The following NIN variants were observed in gnomAD, a reference collection of about 807,000 sequenced individuals.
NIN encodes ninein, also known as glycogen synthase kinase 3 beta-interacting protein.
A neutral mutation model predicts 257.6 loss-of-function variants in NIN; 137 were observed. That is an observed-to-expected ratio of 0.53 (90% CI 0.46 to 0.61). The LOEUF (loss-of-function observed/expected upper bound fraction) is 0.61. Ranked by LOEUF, NIN falls within the 20% of genes least tolerant of loss-of-function variation. The pLI is 0.00. For synonymous variants in NIN, 918 were observed against 919.8 expected (o/e 1.00, Z 0.04); for missense variants, 2,439 against 2,501.2 (o/e 0.98, Z 0.53).
intron 12 of NIN, among the ~76,000 whole-genome samples, chr14:50,767,621 T>C (rs1016667157): frequency 2.6e-5 from 4 of 152,032 alleles, no homozygotes; most frequent in Admixed American, 6.5e-5. Context: ...ATCGAGACCA[T>C]CCTGGCGAAC....
In NIN at chr14:50,761,846, T is replaced by C. The variant is rs751749868; in HGVS notation, c.1840A>G (p.Met614Val). ...ATGTCCCTGTGATGTTGTTCTTTCATCTGTTCAATGACCAGCTCTGCCTCA... is the reference window on the plus strand; with the variant it reads ...ATGTCCCTGTGATGTTGTTCTTTCACCTGTTCAATGACCAGCTCTGCCTCA... ...SIEAELVIEQ[M>V]KEQHHRDICC... is the part of the protein sequence containing the mutation. The change falls in exon 16 of 31, where the codon ATG (methionine) becomes GTG (valine). Residue 614 changes from methionine to valine, a missense_variant. Coordinates refer to ENST00000530997, the MANE Select transcript of NIN (RefSeq NM_020921.4). 5 of 1,614,198 alleles carry C rather than the reference T, an allele frequency of 3.1e-6. No homozygotes were observed. The highest frequency in any genetic ancestry group is 4.2e-6 in the Non-Finnish European group (5 of 1,180,012).
chr14:50,756,162 A>AT (rs1308684185), intron 18 of NIN, among the ~76,000 whole-genome samples: 1 of 151,746 alleles, frequency 6.6e-6, no homozygotes, highest in East Asian at 1.9e-4. Context: ...CAAAATAAAA[A>AT]AAAAAAATCC....
rs2041938659 is a variant in NIN at position 50,754,547 on chromosome 14, T to C, written c.4734+16A>G. 6.3e-7 allele frequency: 1 copy of C among 1,577,558 alleles called. No homozygotes were observed. Among genetic ancestry groups the C allele is most frequent in the Non-Finnish European group, 8.6e-7 (1 of 1,161,564 alleles). On this transcript the variant is annotated intron_variant, in intron 20 of 30. Transcript: ENST00000530997. The stretch of plus-strand genomic sequence containing the variant: ...TGGAATCAAAAAACATTGAGAAATA[T>C]TAAGTATTTCCTTACCTGTTTCTTT...
intron 4 of NIN, among the ~76,000 whole-genome samples, chr14:50,805,626 C>T (rs1426166522): frequency 6.6e-6 from 1 of 152,192 alleles, no homozygotes; most frequent in Non-Finnish European, 1.5e-5. Flanking sequence ...CTGTGCCTCA[C>T]CTAAATAGGT....
intron 29 of NIN, chr14:50,727,574 G>A: frequency 1.5e-6 from 2 of 1,349,116 alleles, no homozygotes; most frequent in Non-Finnish European, 9.8e-7. Context: ...TAATTTAAAA[G>A]AGCACTTAAT....
chr14:50,742,962 A>G (rs1008106757), intron 24 of NIN, among the ~76,000 whole-genome samples: 4 of 151,878 alleles, frequency 2.6e-5, no homozygotes, highest in African/African-American at 4.8e-5. Context: ...TTGTCATACT[A>G]TATTTACTTT....
intron 5 of NIN, chr14:50,792,464 A>C: frequency 2.1e-6 from 1 of 475,644 alleles, no homozygotes; most frequent in Non-Finnish European, 3.8e-6. Flanking sequence ...AAATACCTGA[A>C]CTCTAAATGT....
chr14:50,813,059 C>T (rs375462059), intron 3 of NIN, among the ~76,000 whole-genome samples: 8 of 152,110 alleles, frequency 5.3e-5, no homozygotes, highest in South Asian at 4.1e-4. Flanking sequence ...AGGAGGCGAC[C>T]GCTATTTTCC....
intron 12 of NIN, among the ~76,000 whole-genome samples, chr14:50,769,000 T>G (rs2042616212): frequency 6.6e-6 from 1 of 152,178 alleles, no homozygotes; most frequent in African/African-American, 2.4e-5. Context: ...TTACACCTCA[T>G]GGTGTTGATG....
intron 7 of NIN, 68 bp from the exon 8 acceptor site, chr14:50,773,163 G>T: frequency 1.6e-6 from 2 of 1,287,852 alleles, no homozygotes; most frequent in South Asian, 2.6e-5. Flanking sequence ...TATACTTCCG[G>T]CCAGTAGTAA....
chr14:50,744,181 A>G, intron 23 of NIN, 62 bp downstream of exon 23: 2 of 1,569,452 alleles, frequency 1.3e-6, no homozygotes, highest in Non-Finnish European at 1.7e-6. Context: ...CTGTCCACAG[A>G]GAAAGGTTCA....
In NIN at chr14:50,762,779, T is replaced by C. The variant is rs113269751; in HGVS notation, c.1775-868A>G. On this transcript the variant is annotated intron_variant, in intron 15 of 30. Coordinates refer to ENST00000530997, the MANE Select transcript of NIN (RefSeq NM_020921.4). ...TTGCATGTGGGGATACACAGGCAGA[T>C]GGAAGAAAGGAACTTTTCTTGGGTA... is the stretch of plus-strand genomic sequence containing the variant. Among the ~76,000 whole-genome samples the C allele has an allele frequency of 7.2e-5, 11 of 152,292 alleles. 1 individual carries two copies. Among genetic ancestry groups the C allele is most frequent in the Admixed American group, 3.3e-4 (5 of 15,298 alleles).
At chr14:50,827,444 C>T (rs529185735) in intron 2 of NIN, among the ~76,000 whole-genome samples, 1 of 152,196 alleles carries the variant, frequency 6.6e-6, no homozygotes, top group African/African-American at 2.4e-5. Flanking sequence ...AAGAAAGTCA[C>T]ATTAAATACA....
chr14:50,725,366 C>T lies in NIN; in HGVS notation c.6192+587G>A, dbSNP rs578262793. On this transcript the variant is annotated intron_variant, in intron 30 of 30. Transcript: ENST00000530997. ...TAAACACCAAGGCCACATCTGCCAC[C>T]AGCAGGTGAAAAGGAGCAGGCTGTT... Among the ~76,000 whole-genome samples the T allele has an allele frequency of 2.0e-5, 3 of 152,208 alleles. No individual in the cohort carries two copies. In the East Asian group the frequency reaches 5.8e-4, roughly 29 times the overall value.
intron 30 of NIN, among the ~76,000 whole-genome samples, chr14:50,725,171 A>AT (rs2040361605): frequency 6.6e-6 from 1 of 152,182 alleles, no homozygotes; most frequent in African/African-American, 2.4e-5. Flanking sequence ...AGCTGAATTC[A>AT]GACCCTCTCT....
At chr14:50,827,749 T>C (rs1595962141) in intron 2 of NIN, among the ~76,000 whole-genome samples, 1 of 99,762 alleles carries the variant, frequency 1.0e-5, no homozygotes, top group Non-Finnish European at 2.0e-5. Flanking sequence ...AGCGAGAGAC[T>C]CCGTATCAAA....
At chr14:50,761,741 T>C in intron 16 of NIN, 49 bp downstream of exon 16, 1 of 1,610,576 alleles carries the variant, frequency 6.2e-7, no homozygotes, top group African/African-American at 1.3e-5. Context: ...CACATAAGCC[T>C]GTCAGAGCCA....
chr14:50,798,984 G>A (rs2043963431), intron 4 of NIN, among the ~76,000 whole-genome samples: 1 of 152,156 alleles, frequency 6.6e-6, no homozygotes, highest in East Asian at 1.9e-4. Context: ...TCACCACGTT[G>A]GCCAGATGGT....
chr14:50,760,080 C>T lies in NIN; in HGVS notation c.2176G>A (p.Glu726Lys). The change falls in exon 17 of 31, where the codon GAG becomes AAG. Residue 726 changes from glutamate to lysine, a missense_variant. Transcript: ENST00000530997. Reference protein sequence around the residue: ...QEKLRLQHEMELKARLTQAQA... With the variant: ...QEKLRLQHEMKLKARLTQAQA... ...GCCTGTGTCAGTCTAGCCTTGAGCT[C>T]CATCTCATGTTGCAGCCTCAGCTTC... The T allele has an allele frequency of 6.2e-7, 1 of 1,614,118 alleles. No homozygotes were observed. Among genetic ancestry groups the T allele is most frequent in the Non-Finnish European group, 8.5e-7 (1 of 1,180,016 alleles).
Sources: allele counts gnomAD v4.1 joint callset (sites outside exome capture counted in the v4.1 genomes callset), GRCh38; gene constraint gnomAD v4.1.1; transcripts MANE v1.5; gene names NCBI Gene and HGNC (gene_info 2026-07-23, HGNC 2026-07-21).